Variants in MLLT3 observed in about 807,000 individuals in gnomAD.
MLLT3 encodes the protein MLLT3 super elongation complex subunit.
In MLLT3, 4 loss-of-function variants were observed where a neutral mutation model predicts 53.2. The ratio of observed to expected loss-of-function variants is 0.08; its 90% CI spans 0.04 to 0.17. MLLT3 has a LOEUF of 0.17. MLLT3 is among the 10% of genes least tolerant of loss of function. The pLI is 1.00. For missense variants in MLLT3, 569 were observed against 684.0 expected (o/e 0.83, Z 1.87); for synonymous variants, 283 against 230.6 (o/e 1.23, Z -2.06).
intron 5 of MLLT3, among the ~76,000 whole-genome samples, chr9:20,390,278 T>A (rs1822150279): frequency 6.6e-6 from 1 of 152,166 alleles, no homozygotes; most frequent in Admixed American, 6.5e-5. Context: ...CCCGAGATTG[T>A]AAATATAGTT....
intron 2 of MLLT3, among the ~76,000 whole-genome samples, chr9:20,472,109 A>C (rs1254149439): frequency 1.3e-5 from 2 of 152,200 alleles, no homozygotes; most frequent in East Asian, 3.9e-4. Context: ...AGCTTCATTT[A>C]GATAATGTGT....
At chr9:20,371,403 G>C (rs1010633040) in intron 5 of MLLT3, among the ~76,000 whole-genome samples, 9 of 152,174 alleles carry the variant, frequency 5.9e-5, no homozygotes, top group Non-Finnish European at 1.3e-4. Context: ...TGGCTTCAAA[G>C]TTTCAAAGGA....
At chr9:20,409,497 T>G (rs1196881706) in intron 5 of MLLT3, among the ~76,000 whole-genome samples, 1 of 152,222 alleles carries the variant, frequency 6.6e-6, no homozygotes, top group Non-Finnish European at 1.5e-5. Flanking sequence ...ACACTCCCTT[T>G]GCAGCTGTTA....
At chr9:20,476,032 T>C (rs184027308) in intron 2 of MLLT3, among the ~76,000 whole-genome samples, 98 of 152,044 alleles carry the variant, frequency 6.4e-4, no homozygotes, top group Admixed American at 1.1e-3. Flanking sequence ...AACAGGAAAA[T>C]TATTGTCTCA....
chr9:20,503,655 C>A (rs1298201929), intron 2 of MLLT3, among the ~76,000 whole-genome samples: 1 of 151,942 alleles, frequency 6.6e-6, no homozygotes, highest in Non-Finnish European at 1.5e-5. Context: ...TTGGATATGA[C>A]CCCAAAAGCA....
At chr9:20,416,762 T>C (rs555159938) in intron 4 of MLLT3, among the ~76,000 whole-genome samples, 7 of 152,218 alleles carry the variant, frequency 4.6e-5, no homozygotes, top group South Asian at 2.1e-4. Context: ...ACCTCAAAAA[T>C]CTTTAAGCTA....
intron 2 of MLLT3, among the ~76,000 whole-genome samples, chr9:20,571,417 A>G (rs1819529236): frequency 6.6e-6 from 1 of 152,318 alleles, no homozygotes; most frequent in South Asian, 2.1e-4. Flanking sequence ...ACTCAATTCA[A>G]TAACAATAAA....
chr9:20,425,989 A>T (rs1486676733), intron 4 of MLLT3, among the ~76,000 whole-genome samples: 1 of 152,062 alleles, frequency 6.6e-6, no homozygotes, highest in Non-Finnish European at 1.5e-5. Flanking sequence ...TATTTTAAAT[A>T]GACAAAATAT....
intron 10 of MLLT3, among the ~76,000 whole-genome samples, chr9:20,350,963 G>C (rs1821012290): frequency 6.6e-6 from 1 of 152,146 alleles, no homozygotes; most frequent in Non-Finnish European, 1.5e-5. Context: ...CTTCTCTATG[G>C]AGTAGAGCCA....
At chr9:20,589,451 G>T (rs1820068036) in intron 2 of MLLT3, among the ~76,000 whole-genome samples, 1 of 108,768 alleles carries the variant, frequency 9.2e-6, no homozygotes, top group Non-Finnish European at 1.8e-5. Context: ...GGGGGAGGGG[G>T]GAGGGATAGC....
chr9:20,497,146 A>G (rs1825098377), intron 2 of MLLT3, among the ~76,000 whole-genome samples: 1 of 152,228 alleles, frequency 6.6e-6, no homozygotes, highest in Non-Finnish European at 1.5e-5. Context: ...AGTATCCAGT[A>G]GTAAATGGCA....
At chr9:20,371,702 G>A (rs779811776) in intron 5 of MLLT3, among the ~76,000 whole-genome samples, 1 of 152,168 alleles carries the variant, frequency 6.6e-6, no homozygotes, top group Non-Finnish European at 1.5e-5. Context: ...AGCTCTGCAG[G>A]AGATGCACAA....
chr9:20,564,578 C>T (rs1258537524), intron 2 of MLLT3, among the ~76,000 whole-genome samples: 2 of 152,276 alleles, frequency 1.3e-5, no homozygotes, highest in Admixed American at 1.3e-4. Context: ...GCAAAGCTAG[C>T]TATAGTCTCA....
At chr9:20,450,832 T>C (rs962025974) in intron 3 of MLLT3, among the ~76,000 whole-genome samples, 4 of 152,226 alleles carry the variant, frequency 2.6e-5, no homozygotes, top group African/African-American at 9.6e-5. Context: ...GATGTAACTT[T>C]AGAATTAATT....
intron 5 of MLLT3, among the ~76,000 whole-genome samples, chr9:20,409,621 A>C (rs1474644987): frequency 6.6e-6 from 1 of 152,182 alleles, no homozygotes; most frequent in Non-Finnish European, 1.5e-5. Context: ...GAATAGCCTC[A>C]GTTCTTGAAT....
intron 2 of MLLT3, among the ~76,000 whole-genome samples, chr9:20,514,150 T>G (rs1259106119): frequency 6.6e-6 from 1 of 152,216 alleles, no homozygotes; most frequent in Non-Finnish European, 1.5e-5. Context: ...CGGATTTTCC[T>G]TGCAGTATGG....
chr9:20,472,274 T>C (rs1824414393), intron 2 of MLLT3, among the ~76,000 whole-genome samples: 1 of 152,100 alleles, frequency 6.6e-6, no homozygotes, highest in African/African-American at 2.4e-5. Context: ...TACCATGTAT[T>C]TCCTGGGATA....
At chr9:20,518,911 A>G (rs904082111) in intron 2 of MLLT3, among the ~76,000 whole-genome samples, 1 of 152,240 alleles carries the variant, frequency 6.6e-6, no homozygotes, top group African/African-American at 2.4e-5. Flanking sequence ...ACTAACTGCA[A>G]TGTGGGATCC....
intron 2 of MLLT3, among the ~76,000 whole-genome samples, chr9:20,553,829 C>CTT (rs555953729): frequency 6.9e-6 from 1 of 144,854 alleles, no homozygotes; most frequent in Admixed American, 6.9e-5. Flanking sequence ...AAATAAACAG[C>CTT]TTTTTTTTTT....
Sources: allele counts gnomAD v4.1 joint callset (sites outside exome capture counted in the v4.1 genomes callset), GRCh38; gene constraint gnomAD v4.1.1; transcripts MANE v1.5; gene names NCBI Gene and HGNC (gene_info 2026-07-23, HGNC 2026-07-21).